Variants in PDE3B observed in about 807,000 individuals in gnomAD.
PDE3B encodes phosphodiesterase 3B.
A neutral mutation model predicts 116.8 loss-of-function variants in PDE3B; 66 were observed. The ratio of observed to expected loss-of-function variants is 0.56; its 90% CI spans 0.46 to 0.69. PDE3B has a LOEUF of 0.69. Ranked by LOEUF, PDE3B falls within the 30% of genes least tolerant of loss-of-function variation. PDE3B has a pLI of 0.00. For missense variants in PDE3B, 1,384 were observed against 1,368.1 expected (o/e 1.01, Z -0.18); for synonymous variants, 595 against 533.6 (o/e 1.12, Z -1.59).
Position 14,867,743 on chromosome 11 carries a change from A to G in PDE3B, c.3124A>G (p.Asn1042Asp), listed in dbSNP as rs1555008338. 4 of 1,607,256 alleles carry G rather than the reference A, an allele frequency of 2.5e-6. No homozygotes were observed. In the South Asian group the frequency reaches 4.4e-5, roughly 18 times the overall value. ...AGATACAGAAGATGAAGAAATGGAAAACAATCTAAATCCAAGTAAGAATAT... is the reference window on the plus strand; with the variant it reads ...AGATACAGAAGATGAAGAAATGGAAGACAATCTAAATCCAAGTAAGAATAT... ...ELDTEDEEME[N>D]NLNPKPPRRK... The change falls in exon 15 of 16, where the codon AAC (asparagine) becomes GAC (aspartate). Residue 1042 changes from asparagine (N) to aspartate (D), a missense_variant. Asn to Asp is a conservative substitution (Grantham distance 23). Around this residue, in one of 2 missense-constraint regions of PDE3B, gnomAD observed 428 missense variants for 561.4 expected, o/e 0.76. Transcript: ENST00000282096.
At chr11:14,725,267 C>CTTTT (rs1565109538) in intron 1 of PDE3B, among the ~76,000 whole-genome samples, 1 of 151,418 alleles carries the variant, frequency 6.6e-6, no homozygotes, top group African/African-American at 2.4e-5. Context: ...TTCTTTCTTT[C>CTTTT]TCTTTCTTTT....
In PDE3B at chr11:14,839,126, G is replaced by A. The variant is rs188102732; in HGVS notation, c.2320+4031G>A. Among the ~76,000 whole-genome samples the A allele has an allele frequency of 3.4e-3, 511 of 152,282 alleles. 2 individuals carry two copies. Among genetic ancestry groups the A allele is most frequent in the South Asian group, 9.5e-3 (46 of 4,832 alleles). ...AGAGTTAGGGGCCTATGGAATTTAG[G>A]TGATAAAAGGATTTTGGCCTGGGTT... On this transcript the variant is annotated intron_variant, in intron 11 of 15. Transcript: ENST00000282096.
intron 1 of PDE3B, 125 bp downstream of exon 1, chr11:14,645,178 G>GA (rs1491030854): frequency 4.2e-5 from 3 of 71,470 alleles, no homozygotes; most frequent in Non-Finnish European, 7.7e-5. Context: ...GTGTGTTGCG[G>GA]GGGGGGGGGG....
intron 1 of PDE3B, among the ~76,000 whole-genome samples, chr11:14,714,877 T>A (rs1350241044): frequency 6.6e-6 from 1 of 152,214 alleles, no homozygotes; most frequent in Non-Finnish European, 1.5e-5. Context: ...TTGGCTTGTT[T>A]CTAGCTCTCT....
chr11:14,738,959 A>T (rs2133862845), intron 1 of PDE3B, among the ~76,000 whole-genome samples: 1 of 152,246 alleles, frequency 6.6e-6, no homozygotes, highest in Non-Finnish European at 1.5e-5. Context: ...CCATTGGTCG[A>T]TATCTCTGTT....
At chr11:14,656,722 GTGTC>G (rs1450428032) in intron 1 of PDE3B, among the ~76,000 whole-genome samples, 1 of 152,230 alleles carries the variant, frequency 6.6e-6, no homozygotes, top group African/African-American at 2.4e-5. Context: ...TCTTGGAACA[GTGTC>G]TGGCACCTGG....
At chr11:14,857,034 T>A (rs1847864330) in intron 12 of PDE3B, among the ~76,000 whole-genome samples, 2 of 152,226 alleles carry the variant, frequency 1.3e-5, no homozygotes, top group African/African-American at 4.8e-5. Context: ...TTTGTTCTTA[T>A]TTAAGTGTTA....
intron 4 of PDE3B, among the ~76,000 whole-genome samples, chr11:14,794,786 C>T (rs1858501919): frequency 6.6e-6 from 1 of 152,178 alleles, no homozygotes; most frequent in South Asian, 2.1e-4. Context: ...AGCCCCCTCC[C>T]TGGGTTCAGG....
Position 14,644,515 on chromosome 11 carries a change from G to A in PDE3B, c.440G>A (p.Arg147Gln). The A allele has an allele frequency of 6.2e-7, 1 of 1,608,772 alleles. No homozygotes were observed. Among genetic ancestry groups the A allele is most frequent in the Non-Finnish European group, 8.5e-7 (1 of 1,177,764 alleles). The change falls in exon 1 of 16, where the codon CGG (arginine) becomes CAG (glutamine). Residue 147 changes from arginine to glutamine, a missense_variant. This residue lies in a region of PDE3B where 956 missense variants were observed against 806.8 expected (regional missense o/e 1.18). Transcript: ENST00000282096. ...ACCAAGCGGGGACCCGGCCCGGGCC[G>A]GAGCTGCGGCTCCTGGTGGCTGCTG... is the stretch of plus-strand genomic sequence containing the variant. ...TRTKRGPGPG[R>Q]SCGSWWLLAL...
intron 7 of PDE3B, among the ~76,000 whole-genome samples, chr11:14,828,779 A>C (rs1327875372): frequency 6.6e-6 from 1 of 152,198 alleles, no homozygotes; most frequent in Non-Finnish European, 1.5e-5. Flanking sequence ...AAAAATAGAA[A>C]TACCATCTGA....
intron 1 of PDE3B, among the ~76,000 whole-genome samples, chr11:14,675,791 T>C (rs891874525): frequency 6.6e-6 from 1 of 152,176 alleles, no homozygotes; most frequent in African/African-American, 2.4e-5. Context: ...TACATTCTTA[T>C]GTTGATGAAT....
intron 1 of PDE3B, among the ~76,000 whole-genome samples, chr11:14,683,572 A>G (rs1232124390): frequency 6.6e-6 from 1 of 150,868 alleles, no homozygotes; most frequent in Non-Finnish European, 1.5e-5. Flanking sequence ...TTTTTTCTTT[A>G]TCAGTTTTGT....
intron 1 of PDE3B, among the ~76,000 whole-genome samples, chr11:14,669,345 C>T (rs971372742): frequency 1.3e-5 from 2 of 152,060 alleles, no homozygotes; most frequent in Admixed American, 1.3e-4. Context: ...GTTGACTCCA[C>T]CCCAAAGACA....
intron 1 of PDE3B, among the ~76,000 whole-genome samples, chr11:14,759,174 T>C (rs1412499829): frequency 6.6e-6 from 1 of 152,198 alleles, no homozygotes; most frequent in African/African-American, 2.4e-5. Flanking sequence ...TTTTTTCCAG[T>C]ATTTTATTGA....
intron 3 of PDE3B, among the ~76,000 whole-genome samples, chr11:14,787,031 C>G (rs1190236063): frequency 6.6e-6 from 1 of 151,848 alleles, no homozygotes; most frequent in Non-Finnish European, 1.5e-5. Context: ...AGGAATTGTT[C>G]TTGTTGAGCC....
chr11:14,754,401 T>G (rs1023688325), intron 1 of PDE3B, among the ~76,000 whole-genome samples: 1 of 152,178 alleles, frequency 6.6e-6, no homozygotes, highest in Non-Finnish European at 1.5e-5. Flanking sequence ...TAGAGTAATA[T>G]GTAAGCTCTC....
At chr11:14,768,431 A>G (rs758004264) in intron 1 of PDE3B, among the ~76,000 whole-genome samples, 6 of 151,516 alleles carry the variant, frequency 4.0e-5, no homozygotes, top group Admixed American at 1.3e-4. Context: ...AGCATATCGC[A>G]ATGTGTATTT....
At chr11:14,884,232 A>G in the PDE3B span, among the ~76,000 whole-genome samples, 14 of 151,860 alleles carry the variant, frequency 9.2e-5, no homozygotes, top group Non-Finnish European at 1.6e-4. Flanking sequence ...ACATGCACAC[A>G]TATGTTTATT....
chr11:14,887,422 T>C, the PDE3B span: 1 of 188,686 alleles, frequency 5.3e-6, no homozygotes, highest in African/African-American at 2.4e-5. Context: ...TGAACTAGTA[T>C]GTATTCCTGT....
Sources: gnomAD v4.1 joint callset for allele counts (sites outside exome capture counted in the v4.1 genomes callset) on GRCh38, gnomAD v4.1.1 for gene constraint, gnomAD v4.1.1 regional missense constraint, MANE v1.5 for transcripts, NCBI Gene and HGNC (gene_info 2026-07-23, HGNC 2026-07-21) for gene names.